The following CMSS1 variants were observed in gnomAD, a reference collection of about 807,000 sequenced individuals.
CMSS1 encodes the protein cms1 ribosomal small subunit homolog.
A neutral mutation model predicts 43.5 loss-of-function variants in CMSS1; 33 were observed. The observed-to-expected ratio is 0.76, with a 90% CI of 0.57 to 1.01. The LOEUF is 1.01. CMSS1 is among the 50% of genes least tolerant of loss of function. The pLI is 0.00. For synonymous variants in CMSS1, 115 were observed against 117.2 expected (o/e 0.98, Z 0.12); for missense variants, 313 against 326.4 (o/e 0.96, Z 0.32).
chr3:100,145,752 C>T (rs912364771), intron 1 of CMSS1, among the ~76,000 whole-genome samples: 2 of 152,226 alleles, frequency 1.3e-5, no homozygotes, highest in African/African-American at 4.8e-5. Flanking sequence ...AGGAATAATT[C>T]TCCCTTACTC....
At chr3:99,950,246 T>C (rs1375023498) in intron 1 of CMSS1, among the ~76,000 whole-genome samples, 4 of 152,214 alleles carry the variant, frequency 2.6e-5, no homozygotes, top group African/African-American at 9.6e-5. Flanking sequence ...ATGCTATGTA[T>C]CGGAAATAGA....
rs747592062 is a variant in CMSS1, at chr3:100,085,019, C to T, written c.65-61954C>T. Among the ~76,000 whole-genome samples, 7 of 152,138 alleles carry T rather than the reference C, an allele frequency of 4.6e-5. No homozygotes were observed. The East Asian group carries it at 7.7e-4, about 17-fold the overall frequency. ...TTTTCTGTCATTTGTTGAATTGTGG[C>T]GCACTTTTAAATATGTATGTATGGT... On this transcript the variant is annotated intron_variant, in intron 1 of 9. Transcript: ENST00000421999.
intron 1 of CMSS1, among the ~76,000 whole-genome samples, chr3:99,938,843 A>G (rs78376414): frequency 1.3e-5 from 2 of 152,260 alleles, no homozygotes; most frequent in East Asian, 1.9e-4. Context: ...AAAAAAAAAA[A>G]GTTTCCTTTT....
chr3:99,975,858 T>A (rs1049015799), intron 1 of CMSS1, among the ~76,000 whole-genome samples: 3 of 152,200 alleles, frequency 2.0e-5, no homozygotes, highest in African/African-American at 7.2e-5. Context: ...ATATTTTCTT[T>A]GGGCTAGCAA....
At chr3:100,035,250 C>T (rs561658470) in intron 1 of CMSS1, among the ~76,000 whole-genome samples, 31 of 152,162 alleles carry the variant, frequency 2.0e-4, no homozygotes, top group Admixed American at 3.9e-4. Flanking sequence ...CCATGCTGTG[C>T]GCATATTCCT....
At chr3:99,881,965 GT>G (rs1705744117) in intron 1 of CMSS1, among the ~76,000 whole-genome samples, 1 of 152,154 alleles carries the variant, frequency 6.6e-6, no homozygotes, top group South Asian at 2.1e-4. Context: ...AACAAGTTTT[GT>G]TAGTTTGAAG....
intron 1 of CMSS1, among the ~76,000 whole-genome samples, chr3:99,886,438 AT>A (rs1317836812): frequency 2.0e-5 from 3 of 152,062 alleles, no homozygotes; most frequent in African/African-American, 7.2e-5. Flanking sequence ...GAAAAAAAAA[AT>A]CTCATGTTTT....
chr3:100,036,217 T>C (rs1200004772), intron 1 of CMSS1, among the ~76,000 whole-genome samples: 1 of 152,210 alleles, frequency 6.6e-6, no homozygotes, highest in African/African-American at 2.4e-5. Context: ...CTTGTAGCAA[T>C]GAACACATGC....
At chr3:100,081,111 T>C (rs897805197) in intron 1 of CMSS1, among the ~76,000 whole-genome samples, 2 of 152,196 alleles carry the variant, frequency 1.3e-5, no homozygotes, top group Non-Finnish European at 2.9e-5. Flanking sequence ...AGCCCCCTTA[T>C]TTGATGAGCC....
chr3:100,021,151 C>G (rs2064810045), intron 1 of CMSS1, among the ~76,000 whole-genome samples: 1 of 152,204 alleles, frequency 6.6e-6, no homozygotes. Flanking sequence ...GCAAAATTCC[C>G]CAGCTTACTG....
chr3:99,869,321 C>T, intron 1 of CMSS1, among the ~76,000 whole-genome samples: 1 of 152,016 alleles, frequency 6.6e-6, no homozygotes, highest in East Asian at 1.9e-4. Context: ...TTTTATGGGG[C>T]AGAATTTGGG....
At chr3:99,974,947 T>C (rs546764028) in intron 1 of CMSS1, among the ~76,000 whole-genome samples, 8 of 152,344 alleles carry the variant, frequency 5.3e-5, no homozygotes, top group African/African-American at 1.7e-4. Context: ...TTGATCTTTT[T>C]GAATGTGCAA....
intron 1 of CMSS1, among the ~76,000 whole-genome samples, chr3:99,842,520 A>C (rs866710190): frequency 4.1e-4 from 58 of 143,150 alleles, no homozygotes; most frequent in African/African-American, 1.5e-3. Flanking sequence ...AAAAAAAAAA[A>C]GATGGTCTCA....
intron 1 of CMSS1, among the ~76,000 whole-genome samples, chr3:99,971,581 C>A (rs572544173): frequency 5.5e-4 from 83 of 152,280 alleles, no homozygotes; most frequent in African/African-American, 1.9e-3. Context: ...TTCCCACTTC[C>A]TCCATCAGCT....
At chr3:100,098,187 T>C (rs1407969485) in intron 1 of CMSS1, among the ~76,000 whole-genome samples, 1 of 152,232 alleles carries the variant, frequency 6.6e-6, no homozygotes, top group Non-Finnish European at 1.5e-5. Context: ...CCCTCACCAG[T>C]TAGCAGATTC....
chr3:99,985,265 C>T (rs1709303362), intron 1 of CMSS1, among the ~76,000 whole-genome samples: 1 of 152,132 alleles, frequency 6.6e-6, no homozygotes, highest in Non-Finnish European at 1.5e-5. Context: ...ATCATGGTGG[C>T]TCACGCCTGT....
At chr3:100,026,747 A>C (rs1380507366) in intron 1 of CMSS1, among the ~76,000 whole-genome samples, 1 of 152,078 alleles carries the variant, frequency 6.6e-6, no homozygotes, top group Non-Finnish European at 1.5e-5. Context: ...CTGTGGTCCA[A>C]ACCACCACCG....
chr3:100,027,786 A>G (rs1486635899), intron 1 of CMSS1, among the ~76,000 whole-genome samples: 1 of 152,196 alleles, frequency 6.6e-6, no homozygotes, highest in Admixed American at 6.6e-5. Flanking sequence ...GCAAGCAATA[A>G]GTCAGAGGAA....
intron 1 of CMSS1, among the ~76,000 whole-genome samples, chr3:99,829,584 T>A (rs984268211): frequency 6.6e-6 from 1 of 152,238 alleles, no homozygotes; most frequent in African/African-American, 2.4e-5. Flanking sequence ...CGTTGTCACA[T>A]GAATGAAAAT....
Sources: gnomAD v4.1 joint callset for allele counts (sites outside exome capture counted in the v4.1 genomes callset) on GRCh38, gnomAD v4.1.1 for gene constraint, MANE v1.5 for transcripts, NCBI Gene and HGNC (gene_info 2026-07-23, HGNC 2026-07-21) for gene names.